Variants in NBPF12 observed in about 807,000 individuals in gnomAD.
NBPF12 encodes the protein NBPF member 12.
NBPF12 carries 115 observed loss-of-function variants against 146.4 expected under a neutral mutation model. The observed-to-expected ratio is 0.79, with a 90% CI of 0.68 to 0.92. The LOEUF (loss-of-function observed/expected upper bound fraction) is 0.92. Ranked by LOEUF, NBPF12 falls within the 40% of genes least tolerant of loss-of-function variation. The pLI, the probability that NBPF12 is intolerant of heterozygous loss-of-function variation, is 0.00. For synonymous variants in NBPF12, 385 were observed against 508.9 expected (o/e 0.76, Z 3.28); for missense variants, 1,205 against 1,326.8 (o/e 0.91, Z 1.43).
upstream of NBPF12, among the ~76,000 whole-genome samples, chr1:146,938,462 A>T: frequency 6.6e-6 from 1 of 152,120 alleles, no homozygotes; most frequent in Non-Finnish European, 1.5e-5. Context: ...AAATCGGCGA[A>T]TTGCAGGGTC....
intron 8 of NBPF12, among the ~76,000 whole-genome samples, chr1:146,966,216 C>A (rs1209335421): frequency 2.6e-5 from 4 of 151,970 alleles, no homozygotes; most frequent in East Asian, 1.9e-4. Flanking sequence ...CAGGGCCAAG[C>A]CTTGCTTTAT....
intron 1 of NBPF12, among the ~76,000 whole-genome samples, 198 bp downstream of exon 1, chr1:146,939,210 G>T (rs1198361881): frequency 1.3e-5 from 2 of 152,058 alleles, no homozygotes; most frequent in Non-Finnish European, 2.9e-5. Context: ...CGCTGGGGAA[G>T]AAACTCCCTG....
At chr1:146,967,618 C>T (rs1259860364) in intron 9 of NBPF12, among the ~76,000 whole-genome samples, 5 of 150,488 alleles carry the variant, frequency 3.3e-5, no homozygotes, top group South Asian at 2.1e-4. Flanking sequence ...AGATCGCACC[C>T]GAGAATGTGT....
chr1:146,961,741 A>G (rs1655863727), intron 4 of NBPF12, among the ~76,000 whole-genome samples: 1 of 151,892 alleles, frequency 6.6e-6, no homozygotes, highest in Admixed American at 6.6e-5. Flanking sequence ...TGAAATACCC[A>G]GTAAAAGGGA....
At chr1:146,971,089 C>G in intron 12 of NBPF12, 94 bp from the exon 16 acceptor site, 1 of 1,595,522 alleles carries the variant, frequency 6.3e-7, no homozygotes, top group Admixed American at 1.7e-5. Context: ...GGACCACTCT[C>G]TTAATGCCGC....
At chr1:146,969,317 T>G (rs1282627692) in intron 10 of NBPF12, 65 bp from the exon 14 acceptor site, 11 of 692,412 alleles carry the variant, frequency 1.6e-5, no homozygotes, top group South Asian at 1.1e-4. Context: ...AAATCTCTGT[T>G]GCAATATTTG....
intron 4 of NBPF12, among the ~76,000 whole-genome samples, chr1:146,961,400 A>G (rs1442103639): frequency 4.5e-4 from 68 of 151,732 alleles, no homozygotes; most frequent in Admixed American, 4.4e-3. Flanking sequence ...GTACTACAAT[A>G]ATACCTACCT....
chr1:146,993,921 A>C (rs1203476957), intron 33 of NBPF12, among the ~76,000 whole-genome samples: 1 of 17,790 alleles, frequency 5.6e-5, no homozygotes. Context: ...CCATACTTCA[A>C]AAGCTGTACT....
chr1:146,994,296 C>G, intron 33 of NBPF12, 36 bp from the exon 37 acceptor site: 3 of 1,611,388 alleles, frequency 1.9e-6, no homozygotes, highest in Non-Finnish European at 2.5e-6. Flanking sequence ...GTCTGACTTT[C>G]CCTGGCTGCT....
intron 16 of NBPF12, among the ~76,000 whole-genome samples, chr1:146,976,636 G>A (rs1657050602): frequency 1.3e-5 from 2 of 151,130 alleles, no homozygotes; most frequent in Non-Finnish European, 2.9e-5. Flanking sequence ...GGCAGGATGG[G>A]GGAGACAGCT....
intron 16 of NBPF12, among the ~76,000 whole-genome samples, chr1:146,976,630 G>T: frequency 1.3e-5 from 2 of 151,146 alleles, no homozygotes; most frequent in Middle Eastern, 6.8e-3. Flanking sequence ...AGATCTGGCA[G>T]GATGGGGGAG....
In NBPF12 at chr1:146,984,264, G is replaced by A. The variant is rs1403921846; in HGVS notation, c.2666+79G>A. 4.0e-5 allele frequency: 33 copies of A among 830,816 alleles called. No homozygotes were observed. In the East Asian group the frequency reaches 6.3e-4, roughly 16 times the overall value. The allele number at this position is 830,816 out of a possible 1,614,324, so 51.5% of individuals were successfully genotyped here. A position where few individuals can be genotyped will look rare whatever the true frequency, so the allele number is the denominator to read the frequency against. On this transcript the variant is annotated intron_variant, in intron 21 of 33. Coordinates refer to ENST00000617844, the Ensembl canonical transcript of NBPF12. The stretch of plus-strand genomic sequence containing the variant: ...AAGTCCAGGGAAAACAGTACACGCT[G>A]AAAATAATGATTTTGTCTTGTCAGA...
At chr1:146,966,428 T>C (rs1416414208) in intron 8 of NBPF12, 36 bp from the exon 12 acceptor site, 1 of 1,337,998 alleles carries the variant, frequency 7.5e-7, no homozygotes, top group African/African-American at 1.5e-5. Flanking sequence ...TTCACCAGTT[T>C]TTAACCCATC....
intron 19 of NBPF12, among the ~76,000 whole-genome samples, chr1:146,980,094 T>C (rs1657272956): frequency 6.6e-6 from 1 of 151,254 alleles, no homozygotes. Flanking sequence ...CTTTTGATAT[T>C]TGTTGGTTTA....
chr1:146,981,044 A>C (rs1445261947), intron 19 of NBPF12, among the ~76,000 whole-genome samples: 2 of 138,190 alleles, frequency 1.4e-5, no homozygotes, highest in African/African-American at 5.5e-5. Context: ...AAAACCAAAT[A>C]CCGCATGTTC....
chr1:146,946,154 A>G (rs1249530589), upstream of NBPF12, among the ~76,000 whole-genome samples: 1 of 151,690 alleles, frequency 6.6e-6, no homozygotes, highest in Non-Finnish European at 1.5e-5. Flanking sequence ...ATTTCATTGT[A>G]TGGCTACAAC....
chr1:146,994,475 A>C, exon 34 of NBPF12: 1 of 1,609,554 alleles, frequency 6.2e-7, no homozygotes, highest in South Asian at 1.1e-5. Flanking sequence ...TTTGAGGAAC[A>C]GCACATCACC....
chr1:146,952,651 C>A (rs1655374660), intron 2 of NBPF12, among the ~76,000 whole-genome samples: 2 of 148,954 alleles, frequency 1.3e-5, no homozygotes, highest in Non-Finnish European at 3.0e-5. Context: ...AACATCCCCT[C>A]CTCCTTCCCA....
chr1:146,973,304 C>G (rs1196876693), intron 14 of NBPF12, among the ~76,000 whole-genome samples: 6 of 151,682 alleles, frequency 4.0e-5, no homozygotes, highest in Admixed American at 3.9e-4. Flanking sequence ...AACATCTAGT[C>G]TGTTGTTCTA....
Sources: allele counts gnomAD v4.1 joint callset (sites outside exome capture counted in the v4.1 genomes callset), GRCh38; gene constraint gnomAD v4.1.1; transcripts MANE v1.5; gene names NCBI Gene and HGNC (gene_info 2026-07-23, HGNC 2026-07-21).